The following ADAM23 variants were observed in gnomAD, a reference collection of about 807,000 sequenced individuals.
ADAM23 encodes the protein disintegrin and metalloproteinase domain-containing protein 23.
In ADAM23, 33 loss-of-function variants were observed where a neutral mutation model predicts 120.1. That is an observed-to-expected ratio of 0.27 (90% CI 0.21 to 0.37). The LOEUF is 0.37. ADAM23 is among the 10% of genes least tolerant of loss of function. ADAM23 has a pLI of 1.00. For synonymous variants in ADAM23, 367 were observed against 375.2 expected, an observed-to-expected ratio of 0.98 and a Z score of 0.25; for missense variants, 862 against 1,058.2, an observed-to-expected ratio of 0.81 and a Z score of 2.57.
At chr2:206,546,076 T>C (rs1449309189) in intron 6 of ADAM23, among the ~76,000 whole-genome samples, 1 of 152,206 alleles carries the variant, frequency 6.6e-6, no homozygotes, top group East Asian at 1.9e-4. Context: ...TTTAAAGCAT[T>C]GGTTTTGCAT....
At position 206,550,174 on chromosome 2, in the gene ADAM23, G is replaced by A. The variant is rs759816576; in HGVS notation, c.933+14G>A. On this transcript the variant is annotated intron_variant, in intron 9 of 25. Coordinates refer to ENST00000264377, the MANE Select transcript of ADAM23 (RefSeq NM_003812.4). ...GATCACAAAACGGTAAGAATATAGA[G>A]TCAGTGGGTTTTAGAACAGATAGCT... 1 of 1,523,572 alleles carries A rather than the reference G, an allele frequency of 6.6e-7. No homozygotes were observed. Among genetic ancestry groups the A allele is most frequent in the Non-Finnish European group, 9.0e-7 (1 of 1,106,782 alleles). The allele number at this position is 1,523,572 out of a possible 1,614,324, so 94.4% of individuals were successfully genotyped here. A position where few individuals can be genotyped will look rare whatever the true frequency, so the allele number is the denominator to read the frequency against.
intron 3 of ADAM23, among the ~76,000 whole-genome samples, chr2:206,496,743 A>G (rs892494002): frequency 1.7e-4 from 26 of 152,222 alleles, no homozygotes; most frequent in African/African-American, 6.3e-4. Flanking sequence ...AACAAAATTG[A>G]TAGACTGCTA....
chr2:206,581,259 G>A (rs185950506), intron 18 of ADAM23, among the ~76,000 whole-genome samples: 46 of 150,880 alleles, frequency 3.0e-4, no homozygotes, highest in Admixed American at 2.6e-3. Flanking sequence ...TCTTTCTTCC[G>A]CTGGGTTTAG....
intron 3 of ADAM23, among the ~76,000 whole-genome samples, chr2:206,526,331 G>T (rs1574513756): frequency 6.6e-6 from 1 of 152,234 alleles, no homozygotes; most frequent in East Asian, 1.9e-4. Flanking sequence ...ATTTCTAAAA[G>T]ATATTTGTGA....
chr2:206,570,023 G>C (rs943927956), intron 15 of ADAM23, among the ~76,000 whole-genome samples: 2 of 152,158 alleles, frequency 1.3e-5, no homozygotes, highest in African/African-American at 4.8e-5. Flanking sequence ...GGAATGGGAA[G>C]CAGGCATGTT....
intron 9 of ADAM23, among the ~76,000 whole-genome samples, chr2:206,553,348 A>G (rs2105816193): frequency 6.6e-6 from 1 of 152,278 alleles, no homozygotes. Context: ...AGACAGGAGA[A>G]TTGATTGAAC....
intron 3 of ADAM23, among the ~76,000 whole-genome samples, chr2:206,521,092 T>A (rs1696834400): frequency 6.6e-6 from 1 of 152,178 alleles, no homozygotes; most frequent in Non-Finnish European, 1.5e-5. Flanking sequence ...GGTTCCCTGA[T>A]CATATTAATT....
Position 206,571,762 on chromosome 2 carries a change from C to T in ADAM23, c.1602C>T (p.Leu534=), listed in dbSNP as rs1350645461. The T allele has an allele frequency of 6.2e-7, 1 of 1,614,044 alleles. No individual in the cohort carries two copies. The highest frequency in any genetic ancestry group is 8.5e-7 in the Non-Finnish European group (1 of 1,180,018). ...GATTATGCTGTAAGAAATGTTCCCT[C>T]TCCAACGGGGCTCACTGCAGCGACG... ...CYGLCCKKCS[L]SNGAHCSDGP... The change falls in exon 17 of 26, where the codon CTC becomes CTT. Residue 534 remains leucine (L), a synonymous_variant. Coordinates refer to ENST00000264377, the MANE Select transcript of ADAM23 (RefSeq NM_003812.4).
chr2:206,443,767 T>G lies in ADAM23; in HGVS notation c.-100T>G. 1.7e-6 allele frequency: 1 copy of G among 586,782 alleles called. No homozygotes were observed. Among genetic ancestry groups the G allele is most frequent in the Non-Finnish European group, 2.1e-6 (1 of 466,928 alleles). 36.3% of individuals were successfully genotyped at this position (586,782 alleles called of 1,614,324 possible). On this transcript the variant is annotated 5_prime_UTR_variant, in exon 1 of 26. An upstream start codon of the reference 5' UTR is lost. Coordinates refer to ENST00000264377, the MANE Select transcript of ADAM23 (RefSeq NM_003812.4). Reference sequence around the variant, plus strand: ...GAGCCCCCTGCCCGCCGCGGCACCATGCGCGCCGAGCCGGCGTGACCGGCT... The same window carrying G: ...GAGCCCCCTGCCCGCCGCGGCACCAGGCGCGCCGAGCCGGCGTGACCGGCT...
intron 3 of ADAM23, among the ~76,000 whole-genome samples, chr2:206,515,572 A>G (rs768890554): frequency 1.3e-5 from 2 of 152,228 alleles, no homozygotes; most frequent in African/African-American, 4.8e-5. Context: ...ATAGTTCACT[A>G]TTTTGGTAAT....
intron 3 of ADAM23, among the ~76,000 whole-genome samples, chr2:206,482,773 T>C (rs1282748272): frequency 6.6e-6 from 1 of 152,194 alleles, no homozygotes; most frequent in South Asian, 2.1e-4. Flanking sequence ...TAAAATGGAA[T>C]GTTATGGTAG....
At position 206,617,772 on chromosome 2, in the gene ADAM23, G is replaced by A; in HGVS notation, c.*145G>A. On this transcript the variant is annotated 3_prime_UTR_variant, in exon 26 of 26. Transcript: ENST00000264377. ...GAGCTAAAGTTGGGGTGACAAGGAT[G>A]GGGTAAAAGAAAACTGTCTCTTTTG... is the stretch of plus-strand genomic sequence containing the variant. 1 of 1,455,184 alleles carries A rather than the reference G, an allele frequency of 6.9e-7. No homozygotes were observed. The highest frequency in any genetic ancestry group is 1.4e-5 in the South Asian group (1 of 69,016). The allele number at this position is 1,455,184 out of a possible 1,614,324, so 90.1% of individuals were successfully genotyped here.
At chr2:206,468,951 G>A (rs1695597630) in intron 2 of ADAM23, among the ~76,000 whole-genome samples, 1 of 152,114 alleles carries the variant, frequency 6.6e-6, no homozygotes, top group African/African-American at 2.4e-5. Flanking sequence ...AAGAGAGATG[G>A]GACGAGGTGC....
At chr2:206,617,236 C>T (rs1698950748) in intron 25 of ADAM23, among the ~76,000 whole-genome samples, 1 of 152,132 alleles carries the variant, frequency 6.6e-6, no homozygotes, top group African/African-American at 2.4e-5. Flanking sequence ...AGAGGCCTTC[C>T]TGTAATAATT....
chr2:206,565,128 T>C lies in ADAM23; in HGVS notation c.1394+60T>C. On this transcript the variant is annotated intron_variant, in intron 14 of 25. Transcript: ENST00000264377. ...CTTTTGCTAAAATTGCTGTGTAGAG[T>C]TAGAAACAAGGTCTCTCGGGTATTG... 5.2e-6 allele frequency: 8 copies of C among 1,535,498 alleles called. No individual in the cohort carries two copies. In the South Asian group the frequency reaches 6.7e-5, roughly 13 times the overall value.
chr2:206,450,137 T>G (rs1194894236), intron 2 of ADAM23, among the ~76,000 whole-genome samples: 1 of 152,170 alleles, frequency 6.6e-6, no homozygotes, highest in Non-Finnish European at 1.5e-5. Flanking sequence ...CACCTGTCTC[T>G]GCCATGAGAT....
chr2:206,584,763 C>T (rs997486352), intron 18 of ADAM23, among the ~76,000 whole-genome samples: 14 of 152,164 alleles, frequency 9.2e-5, no homozygotes, highest in African/African-American at 1.4e-4. Flanking sequence ...GGAGGCTTCT[C>T]GCCCAGTTCA....
chr2:206,541,792 GTA>G (rs976205223), intron 4 of ADAM23, among the ~76,000 whole-genome samples: 2 of 152,068 alleles, frequency 1.3e-5, no homozygotes, highest in African/African-American at 4.8e-5. Context: ...CTTAAGAAAT[GTA>G]TGTTTTATTA....
intron 4 of ADAM23, among the ~76,000 whole-genome samples, chr2:206,533,771 G>T (rs1285266178): frequency 6.6e-6 from 1 of 152,114 alleles, no homozygotes; most frequent in Non-Finnish European, 1.5e-5. Flanking sequence ...TACTTTTATT[G>T]CATGGACATG....
Sources: gnomAD v4.1 joint callset for allele counts (sites outside exome capture counted in the v4.1 genomes callset) on GRCh38, gnomAD v4.1.1 for gene constraint, MANE v1.5 for transcripts, NCBI Gene and HGNC (gene_info 2026-07-23, HGNC 2026-07-21) for gene names.